UBR1: variants seen among roughly 807,000 people sequenced by gnomAD.
UBR1 encodes the protein E3 ubiquitin-protein ligase UBR1.
UBR1 carries 102 observed loss-of-function variants against 242.1 expected under a neutral mutation model. The observed-to-expected ratio is 0.42, with a 90% CI of 0.36 to 0.50. The LOEUF is 0.50. UBR1 is among the 20% of genes least tolerant of loss of function. The pLI, the probability that UBR1 is intolerant of heterozygous loss-of-function variation, is 0.01. For synonymous variants in UBR1, 675 were observed against 684.8 expected, an observed-to-expected ratio of 0.99 and a Z score of 0.22; for missense variants, 1,772 against 2,101.8, an observed-to-expected ratio of 0.84 and a Z score of 3.07.
At chr15:43,092,153 C>G in intron 1 of UBR1, 1 of 355,968 alleles carries the variant, frequency 2.8e-6, no homozygotes, top group Non-Finnish European at 5.7e-6. Context: ...CTTAAATACC[C>G]TCTCCATCAG....
intron 12 of UBR1, among the ~76,000 whole-genome samples, chr15:43,052,516 G>A (rs1233995226): frequency 6.6e-6 from 1 of 152,190 alleles, no homozygotes. Context: ...GTACCTACTA[G>A]TACCAACAAA....
At chr15:42,948,865 G>C (rs1342674868) in intron 46 of UBR1, among the ~76,000 whole-genome samples, 3 of 152,090 alleles carry the variant, frequency 2.0e-5, no homozygotes, top group Non-Finnish European at 4.4e-5. Context: ...GTGGAAGTCA[G>C]TGTGGCGATT....
intron 3 of UBR1, among the ~76,000 whole-genome samples, chr15:43,082,357 T>C (rs1413747456): frequency 1.3e-5 from 2 of 152,196 alleles, no homozygotes; most frequent in Non-Finnish European, 2.9e-5. Flanking sequence ...AAATTTTGTT[T>C]GTTTTCTTGT....
chr15:43,067,422 G>A (rs1567142030), intron 6 of UBR1, among the ~76,000 whole-genome samples: 1 of 152,090 alleles, frequency 6.6e-6, no homozygotes, highest in African/African-American at 2.4e-5. Context: ...GCACCCAAGG[G>A]CAGGGATGAG....
At chr15:42,976,075 C>T (rs2032284004) in intron 39 of UBR1, among the ~76,000 whole-genome samples, 2 of 152,222 alleles carry the variant, frequency 1.3e-5, no homozygotes, top group African/African-American at 2.4e-5. Flanking sequence ...TATCATCATT[C>T]CATAATGTTG....
In UBR1 at chr15:43,009,244, G is replaced by A. The variant is rs1241269275; in HGVS notation, c.3210-1960C>T. On this transcript the variant is annotated intron_variant, in intron 29 of 46. Transcript: ENST00000290650. ...TTCTGGCATCTCTGAGCTGCCAGGT[G>A]CCACCATATTCCCCTTGTCCAGACA... Among the ~76,000 whole-genome samples the A allele has an allele frequency of 2.0e-5, 3 of 152,348 alleles. No individual in the cohort carries two copies. The East Asian group carries it at 5.8e-4, about 29-fold the overall frequency.
rs377708802 is a variant in UBR1 at position 43,003,936 on chromosome 15, A to G, written c.3416-6T>C. On this transcript the variant is annotated splice_polypyrimidine_tract_variant and splice_region_variant and intron_variant, in intron 30 of 46. Transcript: ENST00000290650. ...GAAAAGTGGGTCTAGGGCTTCTGGT[A>G]CAAGGTATAAAAAGGAGGGAAAAAG... 8 of 1,613,360 alleles carry G rather than the reference A, an allele frequency of 5.0e-6. No homozygotes were observed. In the African/African-American group the frequency reaches 1.1e-4, roughly 22 times the overall value.
At position 43,059,686 on chromosome 15, in the gene UBR1, C is replaced by T. The variant is rs199817804; in HGVS notation, c.985+16G>A. Reference sequence around the variant, plus strand: ...AGTATTTTATCAGAAACAAGAAAAACAGGAGGTATGCTTACTTGAATAGCT... The same window carrying T: ...AGTATTTTATCAGAAACAAGAAAAATAGGAGGTATGCTTACTTGAATAGCT... On this transcript the variant is annotated intron_variant, in intron 8 of 46. Coordinates refer to ENST00000290650, the MANE Select transcript of UBR1 (RefSeq NM_174916.3). The T allele has an allele frequency of 9.9e-4, 1,588 of 1,607,228 alleles. 3 individuals are homozygous for T. The highest frequency in any genetic ancestry group is 3.2e-3 in the Middle Eastern group (19 of 6,030).
In UBR1 at chr15:43,038,589, G is replaced by A. The variant is rs184492914; in HGVS notation, c.1850-357C>T. Among the ~76,000 whole-genome samples, 31 of 152,192 alleles carry A rather than the reference G, an allele frequency of 2.0e-4. No individual in the cohort carries two copies. The East Asian group carries it at 2.9e-3, about 14-fold the overall frequency. ...AGCCTGGGTGACAGAGTGAGACTCC[G>A]TCTTAAAAAAGAAAGAAAGAAACTT... On this transcript the variant is annotated intron_variant, in intron 15 of 46. Transcript: ENST00000290650.
At chr15:43,036,493 A>G (rs1020447834) in intron 18 of UBR1, 35 bp downstream of exon 18, 2 of 1,464,064 alleles carry the variant, frequency 1.4e-6, no homozygotes, top group Admixed American at 1.7e-5. Flanking sequence ...AAGGAAGATG[A>G]AGACACAAAT....
Position 43,026,747 on chromosome 15 carries a change from A to G in UBR1, c.2433-84T>C, listed in dbSNP as rs889504482. ...AAAATAAAAACCTAAAAATTAATCT[A>G]GAAGTCAAATATACAGAAAAAAATT... On this transcript the variant is annotated intron_variant, in intron 22 of 46. Coordinates refer to ENST00000290650, the MANE Select transcript of UBR1 (RefSeq NM_174916.3). The G allele has an allele frequency of 2.6e-5, 32 of 1,225,720 alleles. 1 individual carries two copies. The highest frequency in any genetic ancestry group is 5.6e-4 in the Middle Eastern group (2 of 3,558). 75.9% of individuals were successfully genotyped at this position (1,225,720 alleles called of 1,614,324 possible).
In UBR1 at chr15:43,092,195, C is replaced by A. The variant is rs1028488101; in HGVS notation, c.82-5955G>T. On this transcript the variant is annotated intron_variant, in intron 1 of 46. Transcript: ENST00000290650. ...TACTAGCTCTCTGTCCCTCCACCCC[C>A]ACACCAACTTATTTATCCCTCAAGG... 3.7e-5 allele frequency: 11 copies of A among 297,102 alleles called. 1 individual carries two copies. The highest frequency in any genetic ancestry group is 6.8e-5 in the Non-Finnish European group (10 of 147,540). The allele number at this position is 297,102 out of a possible 1,614,324, so 18.4% of individuals were successfully genotyped here. A position where few individuals can be genotyped will look rare whatever the true frequency, so the allele number is the denominator to read the frequency against.
At chr15:42,966,863 A>C (rs1245378872) in intron 40 of UBR1, among the ~76,000 whole-genome samples, 1 of 152,028 alleles carries the variant, frequency 6.6e-6, no homozygotes, top group African/African-American at 2.4e-5. Context: ...GCAACCAAAA[A>C]ATCTACTTTA....
At chr15:43,084,525 C>T (rs1472768720) in intron 2 of UBR1, among the ~76,000 whole-genome samples, 10 of 152,136 alleles carry the variant, frequency 6.6e-5, no homozygotes, top group Admixed American at 3.9e-4. Context: ...GGCACAATCT[C>T]GGCTCACCAC....
At chr15:43,052,643 C>T (rs1246019014) in intron 12 of UBR1, among the ~76,000 whole-genome samples, 1 of 152,100 alleles carries the variant, frequency 6.6e-6, no homozygotes, top group Non-Finnish European at 1.5e-5. Context: ...GTGGTTATTG[C>T]TAACTAATTT....
At position 43,086,130 on chromosome 15, in the gene UBR1, T is replaced by C; in HGVS notation, c.192A>G (p.Glu64=). The C allele has an allele frequency of 1.2e-6, 2 of 1,614,034 alleles. No homozygotes were observed. The highest frequency in any genetic ancestry group is 1.3e-5 in the African/African-American group (1 of 75,006). ...EMDPDLEKQE[E]SVQMSIFTPL... The stretch of plus-strand genomic sequence containing the variant: ...GAGTGAATATTGACATTTGTACACT[T>C]TCCTCCTGCTTTTCCAAGTCTGGGT... The change falls in exon 2 of 47, where the codon GAA becomes GAG. Residue 64 remains glutamate, a synonymous_variant. Coordinates refer to ENST00000290650, the MANE Select transcript of UBR1 (RefSeq NM_174916.3).
At chr15:43,021,084 AT>A (rs750866643) in intron 27 of UBR1, 190 bp downstream of exon 27, 54 of 515,286 alleles carry the variant, frequency 1.0e-4, no homozygotes, top group Non-Finnish European at 1.7e-4. Context: ...GACAAAAAAA[AT>A]GAATAAATCT....
intron 44 of UBR1, among the ~76,000 whole-genome samples, chr15:42,953,712 T>G (rs2031870811): frequency 2.0e-5 from 3 of 152,144 alleles, no homozygotes; most frequent in Non-Finnish European, 4.4e-5. Context: ...TAGGGATGGT[T>G]CTGTCTTATG....
chr15:43,048,952 G>A (rs1457492299), intron 12 of UBR1, among the ~76,000 whole-genome samples: 2 of 152,162 alleles, frequency 1.3e-5, no homozygotes, highest in Admixed American at 1.3e-4. Context: ...ATCTTGACTT[G>A]CACATCAGGA....
Sources: allele counts gnomAD v4.1 joint callset (sites outside exome capture counted in the v4.1 genomes callset), GRCh38; gene constraint gnomAD v4.1.1; transcripts MANE v1.5; gene names NCBI Gene and HGNC (gene_info 2026-07-23, HGNC 2026-07-21).